RNF19B: variants seen among roughly 807,000 people sequenced by gnomAD.
RNF19B encodes ring finger protein 19B.
Under a neutral mutation model 65.5 loss-of-function variants are expected in RNF19B, and 23 were observed. The ratio of observed to expected loss-of-function variants is 0.35; its 90% confidence interval spans 0.25 to 0.50. RNF19B has a LOEUF of 0.50. Among genes scored for constraint, RNF19B ranks in the 20% least tolerant of loss-of-function variants. The probability of loss-of-function intolerance (pLI) is 0.98; values close to 1 mark genes in which losing one functional copy is unlikely to be tolerated. For synonymous variants in RNF19B, 372 were observed against 379.6 expected, an observed-to-expected ratio of 0.98 and a Z score of 0.23; for missense variants, 794 against 980.0, an observed-to-expected ratio of 0.81 and a Z score of 2.53.
chr1:32,948,480 G>A (rs2124145951), intron 2 of RNF19B, 117 bp from the exon 3 acceptor site: 1 of 1,073,448 alleles, frequency 9.3e-7, no homozygotes, highest in Non-Finnish European at 1.3e-6. Flanking sequence ...ACTCTTCACT[G>A]AACACTCCAA....
chr1:32,946,083 C>T (rs1463209733), intron 4 of RNF19B, among the ~76,000 whole-genome samples: 1 of 152,080 alleles, frequency 6.6e-6, no homozygotes, highest in East Asian at 1.9e-4. Context: ...CCAGGCTGGT[C>T]TCAAACACCT....
intron 1 of RNF19B, among the ~76,000 whole-genome samples, chr1:32,956,952 C>G (rs1333145192): frequency 6.6e-6 from 1 of 152,108 alleles, no homozygotes; most frequent in African/African-American, 2.4e-5. Context: ...TTCATTTTTC[C>G]TGCCCTATTT....
intron 8 of RNF19B, chr1:32,938,181 GAAAGA>G (rs1642152282): frequency 3.5e-6 from 1 of 286,360 alleles, no homozygotes; most frequent in East Asian, 5.7e-5. Flanking sequence ...ATAAAAGGAA[GAAAGA>G]AAAGAAATCT....
intron 7 of RNF19B, among the ~76,000 whole-genome samples, chr1:32,939,481 T>TTATTATTA (rs1197142418): frequency 2.0e-5 from 3 of 151,450 alleles, no homozygotes; most frequent in African/African-American, 2.5e-5. Flanking sequence ...CCCTGCCTAC[T>TTATTATTA]TATTATTATG....
chr1:32,963,407 C>G (rs1447331234), intron 1 of RNF19B, among the ~76,000 whole-genome samples: 1 of 152,158 alleles, frequency 6.6e-6, no homozygotes, highest in Non-Finnish European at 1.5e-5. Context: ...CCCCTCCCCA[C>G]TCTCATTAAG....
intron 5 of RNF19B, among the ~76,000 whole-genome samples, chr1:32,944,604 T>G (rs531711639): frequency 8.5e-5 from 13 of 152,180 alleles, no homozygotes; most frequent in Non-Finnish European, 1.6e-4. Context: ...TGAGGTAGAA[T>G]GGCTTAGCTG....
intron 1 of RNF19B, among the ~76,000 whole-genome samples, chr1:32,963,201 A>G (rs1178480985): frequency 6.6e-6 from 1 of 152,076 alleles, no homozygotes; most frequent in Non-Finnish European, 1.5e-5. Context: ...GCCTCCCGAT[A>G]GCGTGGCACA....
At chr1:32,951,469 T>C (rs993901590) in intron 1 of RNF19B, among the ~76,000 whole-genome samples, 1 of 151,630 alleles carries the variant, frequency 6.6e-6, no homozygotes, top group African/African-American at 2.4e-5. Context: ...ACAGGAGCAG[T>C]TGGGGTCCAT....
Position 32,936,999 on chromosome 1 carries a change from C to G in RNF19B, c.2003G>C (p.Ser668Thr). The change falls in exon 9 of 9, where the codon AGT becomes ACT. Residue 668 changes from serine (S) to threonine (T), a missense_variant. Physicochemically the swap from Ser to Thr is moderately conservative, Grantham distance 58. Around this residue, in one of 3 missense-constraint regions of RNF19B, gnomAD observed 368 missense variants for 447.3 expected, o/e 0.82. Transcript: ENST00000235150. ...QPESIRSDLESSDAQSDDVPD... is the reference protein window; with the variant it reads ...QPESIRSDLETSDAQSDDVPD... ...CACATCGTCTGACTGTGCATCAGAA[C>G]TCTCTAGGTCACTGCGGATGCTTTC... is the stretch of plus-strand genomic sequence containing the variant. The G allele has an allele frequency of 6.2e-7, 1 of 1,614,156 alleles. No individual in the cohort carries two copies. The highest frequency in any genetic ancestry group is 8.5e-7 in the Non-Finnish European group (1 of 1,180,040).
At chr1:32,932,078 G>C (rs147300014), downstream of RNF19B, among the ~76,000 whole-genome samples, 2 of 152,190 alleles carry the variant, frequency 1.3e-5, no homozygotes, top group Admixed American at 6.5e-5. Flanking sequence ...CCAATTTTAA[G>C]TGGAAAAGGA....
chr1:32,946,133 T>C (rs564136502), intron 4 of RNF19B, among the ~76,000 whole-genome samples: 1 of 152,236 alleles, frequency 6.6e-6, no homozygotes, highest in Admixed American at 6.5e-5. Flanking sequence ...CCCAAAGTGC[T>C]AGGCCACGTA....
At chr1:32,946,174 G>C (rs76662023) in intron 4 of RNF19B, among the ~76,000 whole-genome samples, 2,365 of 152,242 alleles carry the variant, frequency 0.016, 63 homozygotes, top group African/African-American at 0.053. Flanking sequence ...GCCTGGCCCA[G>C]CATTCTACCT....
In RNF19B at chr1:32,944,038, TTCA is replaced by T; in HGVS notation, c.1380_1382del (p.Asp460del). The T allele has an allele frequency of 6.2e-7, 1 of 1,611,708 alleles. No homozygotes were observed. The highest frequency in any genetic ancestry group is 8.5e-7 in the Non-Finnish European group (1 of 1,178,512). Reference sequence around the variant, plus strand: ...TTTTACCTGTGATTGGACCATCATCTTCATCAAATTCAATTTTCACTCCTTTTC... The same window carrying T: ...TTTTACCTGTGATTGGACCATCATCTTCAAATTCAATTTTCACTCCTTTTC... On this transcript the variant is annotated inframe_deletion, in exon 6 of 9. Transcript: ENST00000235150.
downstream of RNF19B, among the ~76,000 whole-genome samples, chr1:32,935,123 C>A (rs754908374): frequency 5.3e-5 from 8 of 151,732 alleles, no homozygotes; most frequent in Admixed American, 6.6e-5. Context: ...AACCACTGCG[C>A]CCAGCCCATT....
chr1:32,937,224 T>G lies in RNF19B; in HGVS notation c.1778A>C (p.Glu593Ala). 1 of 1,614,104 alleles carries G rather than the reference T, an allele frequency of 6.2e-7. No homozygotes were observed. Among genetic ancestry groups the G allele is most frequent in the Non-Finnish European group, 8.5e-7 (1 of 1,180,018 alleles). The change falls in exon 9 of 9, where the codon GAA becomes GCA. Residue 593 changes from glutamate (E) to alanine (A), a missense_variant. Transcript: ENST00000235150. ...CNNMEIQVDI[E>A]AKPSHYQLVS... ...CAGCTGATAGTGGCTTGGTTTGGCT[T>G]CAATGTCCACTTGGATTTCCATATT... is the stretch of plus-strand genomic sequence containing the variant.
intron 4 of RNF19B, 136 bp from the exon 5 acceptor site, chr1:32,945,764 A>G: frequency 3.8e-6 from 2 of 530,246 alleles, no homozygotes; most frequent in Non-Finnish European, 6.8e-6. Context: ...AGGCATCTTT[A>G]TCAAATTTTA....
intron 1 of RNF19B, among the ~76,000 whole-genome samples, chr1:32,957,345 T>C (rs561976082): frequency 6.6e-6 from 1 of 152,210 alleles, no homozygotes; most frequent in African/African-American, 2.4e-5. Flanking sequence ...CAAATTCTAT[T>C]GTTCTTTCAT....
chr1:32,934,895 C>T (rs1642071391), downstream of RNF19B, among the ~76,000 whole-genome samples: 7 of 151,972 alleles, frequency 4.6e-5, no homozygotes, highest in South Asian at 1.5e-3. Context: ...TGCAAAGGCG[C>T]GATCTCGGCT....
Position 32,936,628 on chromosome 1 carries a change from T to TC in RNF19B, c.*177dup, listed in dbSNP as rs1216869491. 11 of 642,902 alleles carry TC rather than the reference T, an allele frequency of 1.7e-5. No homozygotes were observed. In the East Asian group the frequency reaches 3.3e-4, roughly 19 times the overall value. The allele number at this position is 642,902 out of a possible 1,614,324, so 39.8% of individuals were successfully genotyped here. Reference sequence around the variant, plus strand: ...GGGAGGGGAACTAACGGCAAACTTTTCATGTTTTATCTGGTAAGAAATTGT... The same window carrying TC: ...GGGAGGGGAACTAACGGCAAACTTTTCCATGTTTTATCTGGTAAGAAATTGT... On this transcript the variant is annotated 3_prime_UTR_variant, in exon 9 of 9. Coordinates refer to ENST00000235150, the MANE Select transcript of RNF19B (RefSeq NM_001300826.2).
Sources: allele counts gnomAD v4.1 joint callset (sites outside exome capture counted in the v4.1 genomes callset), GRCh38; gene constraint gnomAD v4.1.1; regional missense constraint gnomAD v4.1.1; transcripts MANE v1.5; gene names NCBI Gene and HGNC (gene_info 2026-07-23, HGNC 2026-07-21).